OTOA: variants seen among roughly 807,000 people sequenced by gnomAD.
OTOA encodes otoancorin, also known as cancer/testis antigen 108.
A neutral mutation model predicts 110.8 loss-of-function variants in OTOA; 70 were observed. The ratio of observed to expected loss-of-function variants is 0.63; its 90% confidence interval spans 0.52 to 0.77. The LOEUF (loss-of-function observed/expected upper bound fraction) is 0.77. Among genes scored for constraint, OTOA ranks in the 30% least tolerant of loss-of-function variants. The pLI is 0.00. For synonymous variants in OTOA, 373 were observed against 431.5 expected, an observed-to-expected ratio of 0.86 and a Z score of 1.68; for missense variants, 917 against 1,075.8, an observed-to-expected ratio of 0.85 and a Z score of 2.06.
intron 8 of OTOA, among the ~76,000 whole-genome samples, chr16:21,689,042 C>T (rs1897776831): frequency 6.6e-6 from 1 of 152,100 alleles, no homozygotes; most frequent in African/African-American, 2.4e-5. Flanking sequence ...ATTGGTTACA[C>T]CTAGCCCTGC....
intron 5 of OTOA, among the ~76,000 whole-genome samples, chr16:21,679,830 A>G (rs201764275): frequency 3.9e-5 from 6 of 152,150 alleles, no homozygotes; most frequent in Non-Finnish European, 7.3e-5. Context: ...ATTGCACACA[A>G]TGGTGAAACT....
intron 28 of OTOA, among the ~76,000 whole-genome samples, chr16:21,758,814 C>T (rs943635641): frequency 4.6e-5 from 7 of 151,508 alleles, no homozygotes; most frequent in African/African-American, 1.7e-4. Context: ...CCAGCCTGGC[C>T]AACATGGCAA....
chr16:21,741,985 CAG>C (rs1899521810), intron 23 of OTOA, among the ~76,000 whole-genome samples: 1 of 39,956 alleles, frequency 2.5e-5, no homozygotes, highest in Admixed American at 3.3e-4. Flanking sequence ...TCTTTTAAGA[CAG>C]AGTCTTGCTC....
Position 21,717,010 on chromosome 16 carries a change from C to G in OTOA, c.1592C>G (p.Ser531Cys), listed in dbSNP as rs1196134826. ...TTAAGGAGGCAACCTGGATTCAACT[C>G]TACAGTCCTGAAGGATAAGGAACTT... ...FDLRRQPGFN[S>C]TVLKDKELGR... Residue 531 changes from serine to cysteine, a missense_variant, in exon 15 of 29, where the codon TCT becomes TGT. Ser to Cys is a moderately radical substitution (Grantham distance 112, BLOSUM62 -1). Around this residue, in one of 6 missense-constraint regions of OTOA, gnomAD observed 840 missense variants for 910.2 expected, o/e 0.92. Coordinates refer to ENST00000646100, the MANE Select transcript of OTOA (RefSeq NM_144672.4). 2 of 1,614,126 alleles carry G rather than the reference C, an allele frequency of 1.2e-6. No individual in the cohort carries two copies. The highest frequency in any genetic ancestry group is 2.2e-5 in the South Asian group (2 of 91,080).
chr16:21,722,447 G>A (rs1898786658), intron 17 of OTOA, among the ~76,000 whole-genome samples: 1 of 145,342 alleles, frequency 6.9e-6, no homozygotes, highest in Non-Finnish European at 1.5e-5. Flanking sequence ...TAACAGAATT[G>A]TGTGTACAAT....
intron 1 of OTOA, 42 bp from the exon 2 acceptor site, chr16:21,678,469 T>A (rs778586869): frequency 3.9e-5 from 39 of 990,438 alleles, no homozygotes; most frequent in Non-Finnish European, 5.5e-5. Flanking sequence ...TATATATATA[T>A]TAAAAAAACA....
At position 21,757,843 on chromosome 16, in the gene OTOA, C is replaced by G. The variant is rs992753786; in HGVS notation, c.3349+566C>G. ...ATGTTGGCCAAGCTGGTCTTGAACT[C>G]CTGACCTCAGGTCATCTGCCCACCT... On this transcript the variant is annotated intron_variant, in intron 28 of 28. Transcript: ENST00000646100. Among the ~76,000 whole-genome samples, 9 of 152,192 alleles carry G rather than the reference C, an allele frequency of 5.9e-5. 1 individual carries two copies. Among genetic ancestry groups the G allele is most frequent in the East Asian group, 3.9e-4 (2 of 5,170 alleles).
At chr16:21,721,608 G>A (rs796349710) in intron 17 of OTOA, 12 of 417,056 alleles carry the variant, frequency 2.9e-5, no homozygotes, top group South Asian at 2.0e-4. Context: ...TAAAATATAG[G>A]CCGGTCACAA....
At chr16:21,696,726 C>A (rs1897948000) in intron 9 of OTOA, among the ~76,000 whole-genome samples, 2 of 151,622 alleles carry the variant, frequency 1.3e-5, no homozygotes, top group African/African-American at 2.4e-5. Context: ...GCTAATTTTT[C>A]TTTGTATTTT....
intron 17 of OTOA, among the ~76,000 whole-genome samples, chr16:21,722,048 A>T (rs1271438368): frequency 1.3e-5 from 2 of 149,842 alleles, no homozygotes; most frequent in Admixed American, 6.7e-5. Context: ...ACCTAAAAAA[A>T]TTTTTAAAAA....
At chr16:21,683,857 C>T (rs1055109739) in intron 6 of OTOA, among the ~76,000 whole-genome samples, 6 of 151,242 alleles carry the variant, frequency 4.0e-5, no homozygotes, top group Admixed American at 3.9e-4. Context: ...CAACCTCCTC[C>T]TCCCAGGTTC....
At chr16:21,713,650 G>A (rs1186660196) in intron 13 of OTOA, among the ~76,000 whole-genome samples, 4 of 152,136 alleles carry the variant, frequency 2.6e-5, no homozygotes, top group African/African-American at 7.2e-5. Context: ...TGAAAGTTAC[G>A]CAGCTGGGAT....
At chr16:21,673,257 A>G (rs921721446) in intron 1 of OTOA, among the ~76,000 whole-genome samples, 1 of 152,202 alleles carries the variant, frequency 6.6e-6, no homozygotes, top group African/African-American at 2.4e-5. Flanking sequence ...ATGTTATGTA[A>G]CAATAGTACC....
At chr16:21,706,104 A>C (rs886102721) in intron 12 of OTOA, among the ~76,000 whole-genome samples, 4 of 150,906 alleles carry the variant, frequency 2.7e-5, no homozygotes, top group African/African-American at 4.9e-5. Context: ...AAGAACAGAA[A>C]AGAAAAGAAA....
Position 21,716,910 on chromosome 16 carries a change from G to T in OTOA, c.1492G>T (p.Val498Phe). The part of the protein sequence containing the change: ...AQQQGILSKM[V>F]QAEDTAPGIV... ...TGTTGCTTCTCGCTTCTGGCAGATG[G>T]TCCAAGCGGAAGACACTGCCCCAGG... is the stretch of plus-strand genomic sequence containing the variant. Residue 498 changes from valine (V) to phenylalanine (F), a missense_variant, in exon 15 of 29, where the codon GTC becomes TTC. By Grantham distance (50) the Val-to-Phe change is conservative. Around this residue, in one of 6 missense-constraint regions of OTOA, gnomAD observed 840 missense variants for 910.2 expected, o/e 0.92. Coordinates refer to ENST00000646100, the MANE Select transcript of OTOA (RefSeq NM_144672.4). 1 of 1,613,902 alleles carries T rather than the reference G, an allele frequency of 6.2e-7. No individual in the cohort carries two copies. The highest frequency in any genetic ancestry group is 8.5e-7 in the Non-Finnish European group (1 of 1,179,976).
chr16:21,686,429 C>G (rs1293091247), intron 7 of OTOA, among the ~76,000 whole-genome samples: 2 of 151,968 alleles, frequency 1.3e-5, no homozygotes, highest in Admixed American at 6.6e-5. Flanking sequence ...GCTAGGACTA[C>G]AGGTGCGCAT....
At chr16:21,689,953 T>C (rs1307281913) in intron 8 of OTOA, among the ~76,000 whole-genome samples, 1 of 152,202 alleles carries the variant, frequency 6.6e-6, no homozygotes, top group African/African-American at 2.4e-5. Flanking sequence ...CCCAAAGTGC[T>C]GGGATTACAG....
intron 24 of OTOA, chr16:21,747,562 T>C (rs2141751607): frequency 8.3e-6 from 1 of 119,938 alleles, no homozygotes; most frequent in Middle Eastern, 3.9e-3. Context: ...GGGAAAAAAC[T>C]ATTATAGAAG....
intron 1 of OTOA, among the ~76,000 whole-genome samples, chr16:21,665,896 T>A (rs940430142): frequency 6.6e-6 from 1 of 151,884 alleles, no homozygotes; most frequent in African/African-American, 2.4e-5. Context: ...TGACATGTGA[T>A]CGCGGCTCAC....
Sources: gnomAD v4.1 joint callset for allele counts (sites outside exome capture counted in the v4.1 genomes callset) on GRCh38, gnomAD v4.1.1 for gene constraint, gnomAD v4.1.1 regional missense constraint, MANE v1.5 for transcripts, NCBI Gene and HGNC (gene_info 2026-07-23, HGNC 2026-07-21) for gene names.